Variants in DOCK6 observed in about 807,000 individuals in gnomAD.
The protein encoded by DOCK6 is dedicator of cytokinesis protein 6.
DOCK6 carries 167 observed loss-of-function variants against 230.3 expected under a neutral mutation model. The observed-to-expected ratio is 0.73, with a 90% CI of 0.64 to 0.82. DOCK6 has a LOEUF of 0.82. Ranked by LOEUF, DOCK6 falls within the 40% of genes least tolerant of loss-of-function variation. The pLI is 0.00. For missense variants in DOCK6, 2,598 were observed against 2,825.8 expected (o/e 0.92, Z 1.83); for synonymous variants, 1,148 against 1,185.0 (o/e 0.97, Z 0.64).
chr19:11,237,796 G>A lies in DOCK6; in HGVS notation c.1833-17C>T. On this transcript the variant is annotated splice_polypyrimidine_tract_variant and intron_variant, in intron 16 of 47. Transcript: ENST00000294618. ...TCGGGGGACCTGGCAGAATCGGGCT[G>A]GGGGATCTGCTGGGGGCTGGGGTCC... The A allele has an allele frequency of 6.4e-7, 1 of 1,559,836 alleles. No homozygotes were observed. Among genetic ancestry groups the A allele is most frequent in the Non-Finnish European group, 8.7e-7 (1 of 1,152,140 alleles).
In DOCK6 at chr19:11,222,558, A is replaced by G. The variant is rs530366961; in HGVS notation, c.3240+177T>C. On this transcript the variant is annotated intron_variant, in intron 26 of 47. Transcript: ENST00000294618. The surrounding 1 kb of genome is among the most constrained non-coding windows in gnomAD (Gnocchi z 4.0). ...AATCAGAGGTTAGTCCTTCTGGGAA[A>G]TTGCTGAGAATGGCAAGAGAGGTGA... Among the ~76,000 whole-genome samples, 86 of 152,236 alleles carry G rather than the reference A, an allele frequency of 5.6e-4. No homozygotes were observed. Among genetic ancestry groups the G allele is most frequent in the African/African-American group, 2.1e-3 (86 of 41,562 alleles).
intron 7 of DOCK6, among the ~76,000 whole-genome samples, chr19:11,246,762 G>A (rs2080041186): frequency 6.6e-6 from 1 of 152,096 alleles, no homozygotes; most frequent in African/African-American, 2.4e-5. Context: ...TTGTCACTCT[G>A]CACGGAGTTC....
rs892063546 is a variant in DOCK6, at chr19:11,200,340, G to A, written c.6069C>T (p.Pro2023=). ...ALQPLLTQRL[P]QLMAPTPPGL... is the part of the protein sequence containing the mutation. ...CGGGTGGGGTGGGTGCCATCAGCTG[G>A]GGCAGGCGCTGGGTAAGCAGGGGCT... Residue 2023 remains proline (P), a synonymous_variant, in exon 47 of 48, where the codon CCC becomes CCT. Transcript: ENST00000294618. The surrounding 1 kb of genome is among the most constrained non-coding windows in gnomAD (Gnocchi z 4.3). 1.9e-6 allele frequency: 3 copies of A among 1,576,046 alleles called. No individual in the cohort carries two copies. Among genetic ancestry groups the A allele is most frequent in the African/African-American group, 1.4e-5 (1 of 74,056 alleles).
chr19:11,256,260 A>G (rs981696465), intron 1 of DOCK6, among the ~76,000 whole-genome samples: 2 of 152,162 alleles, frequency 1.3e-5, no homozygotes, highest in African/African-American at 4.8e-5. Flanking sequence ...GGGATAATTT[A>G]CAAAAGATGC....
rs538506091 is a variant in DOCK6, at chr19:11,222,249, C to T, written c.3241-1G>A. 3 of 1,595,548 alleles carry T rather than the reference C, an allele frequency of 1.9e-6. No individual in the cohort carries two copies. Among genetic ancestry groups the T allele is most frequent in the Admixed American group, 1.8e-5 (1 of 56,642 alleles). On this transcript the variant is annotated splice_acceptor_variant, in intron 26 of 47. Transcript: ENST00000294618. LOFTEE classifies it high-confidence loss of function. This position sits in a 1 kb window ranked among gnomAD's most constrained non-coding sequence, Gnocchi z 4.0. ...GGGCTTGGCTGGAGAAGGTGGAGCT[C>T]TGCAGAGTGGGGGAAAAATGGGGGA...
In DOCK6 at chr19:11,252,495, T is replaced by C; in HGVS notation, c.364A>G (p.Ile122Val). The C allele has an allele frequency of 6.2e-7, 1 of 1,613,878 alleles. No homozygotes were observed. The change falls in exon 4 of 48, where the codon ATT becomes GTT. Residue 122 changes from isoleucine (I) to valine (V), a missense_variant. By Grantham distance (29) the Ile-to-Val change is conservative. Coordinates refer to ENST00000294618, the MANE Select transcript of DOCK6 (RefSeq NM_020812.4). The stretch of plus-strand genomic sequence containing the variant: ...AGTCAGACTCACCTTCTGTGGACAA[T>C]GACCCAGTCCTCAATATACATCTCC... ...AVEMYIEDWV[I>V]VHRRYQYLSA... is the part of the protein sequence containing the mutation.
intron 24 of DOCK6, among the ~76,000 whole-genome samples, chr19:11,224,882 G>A (rs2079639741): frequency 6.6e-6 from 1 of 152,036 alleles, no homozygotes; most frequent in African/African-American, 2.4e-5. Context: ...GGCCAATATG[G>A]TGAAACCCCA....
Position 11,243,630 on chromosome 19 carries a change from G to C in DOCK6, c.1185C>G (p.Ala395=). The part of the protein sequence containing the change: ...TRLGRYRMPF[A]WTAVHLANIV... ...TGTTGGCCAAGTGCACGGCCGTCCAGGCGAAGGGCATGCGGTAGCGGCCCA... is the reference window on the plus strand; with the variant it reads ...TGTTGGCCAAGTGCACGGCCGTCCACGCGAAGGGCATGCGGTAGCGGCCCA... The change falls in exon 11 of 48, where the codon GCC becomes GCG. Residue 395 remains alanine (A), a synonymous_variant. Coordinates refer to ENST00000294618, the MANE Select transcript of DOCK6 (RefSeq NM_020812.4). This position sits in a 1 kb window ranked among gnomAD's most constrained non-coding sequence, Gnocchi z 6.3. The C allele has an allele frequency of 6.2e-7, 1 of 1,612,500 alleles. No individual in the cohort carries two copies. The highest frequency in any genetic ancestry group is 8.5e-7 in the Non-Finnish European group (1 of 1,179,676).
At position 11,237,733 on chromosome 19, in the gene DOCK6, C is replaced by G; in HGVS notation, c.1879G>C (p.Val627Leu). 6.3e-7 allele frequency: 1 copy of G among 1,580,698 alleles called. No individual in the cohort carries two copies. Among genetic ancestry groups the G allele is most frequent in the Non-Finnish European group, 8.6e-7 (1 of 1,163,960 alleles). Residue 627 changes from valine (V) to leucine (L), a missense_variant, in exon 17 of 48, where the codon GTG becomes CTG. Physicochemically the swap from Val to Leu is conservative, Grantham distance 32. Transcript: ENST00000294618. ...AACAGCAGGTGATGGTTCTCTGTCA[C>G]GCAGGCTGGAAGATGCAGCTTGAAC... The part of the protein sequence containing the change: ...EEFKLHLPAC[V>L]TENHHLLFTF...
intron 13 of DOCK6, among the ~76,000 whole-genome samples, chr19:11,242,610 T>C (rs1302952255): frequency 6.6e-6 from 1 of 152,002 alleles, no homozygotes; most frequent in Non-Finnish European, 1.5e-5. Flanking sequence ...CAGGCTGGTC[T>C]CAAACTCCTG....
At chr19:11,237,801 A>G in intron 16 of DOCK6, 22 bp from the exon 17 acceptor site, 1 of 1,557,052 alleles carries the variant, frequency 6.4e-7, no homozygotes, top group Non-Finnish European at 8.7e-7. Flanking sequence ...GGGCTGGGGG[A>G]TCTGCTGGGG....
Position 11,238,239 on chromosome 19 carries a change from A to G in DOCK6, c.1709T>C (p.Leu570Pro). The change falls in exon 15 of 48, where the codon CTT becomes CCT. Residue 570 changes from leucine (L) to proline (P), a missense_variant. Coordinates refer to ENST00000294618, the MANE Select transcript of DOCK6 (RefSeq NM_020812.4). Reference protein sequence around the residue: ...FSSRQGSVRNLAVRVQYMTGE... With the variant: ...FSSRQGSVRNPAVRVQYMTGE... ...TGTCATGTACTGCACTCGCACAGCA[A>G]GGTTGCGCACGGAGCCCTGGCGGCT... The G allele has an allele frequency of 6.2e-7, 1 of 1,613,476 alleles. No homozygotes were observed. The highest frequency in any genetic ancestry group is 8.5e-7 in the Non-Finnish European group (1 of 1,179,562).
At chr19:11,210,458 T>C (rs1273042816) in intron 37 of DOCK6, among the ~76,000 whole-genome samples, 1 of 129,586 alleles carries the variant, frequency 7.7e-6, no homozygotes, top group Admixed American at 7.7e-5. Context: ...CCTTGCCTGT[T>C]CACCCCTTCA....
Position 11,202,767 on chromosome 19 carries a change from C to G in DOCK6, c.5236-58G>C. 1.2e-6 allele frequency: 2 copies of G among 1,606,564 alleles called. No individual in the cohort carries two copies. The highest frequency in any genetic ancestry group is 1.7e-6 in the Non-Finnish European group (2 of 1,179,666). ...GAGGCCCCTGCTGGAGGTCTCCCTG[C>G]CCCAGAGATAGGTGTCTCGAATATC... is the stretch of plus-strand genomic sequence containing the variant. On this transcript the variant is annotated intron_variant, in intron 41 of 47. Transcript: ENST00000294618. This position sits in a 1 kb window ranked among gnomAD's most constrained non-coding sequence, Gnocchi z 5.3.
intron 39 of DOCK6, chr19:11,205,794 T>TG (rs1465820573): frequency 1.3e-5 from 2 of 151,262 alleles, no homozygotes; most frequent in African/African-American, 4.8e-5. Flanking sequence ...TTTTGTATTT[T>TG]TTTTTTTTTT....
At chr19:11,257,958 G>A (rs561462149) in intron 1 of DOCK6, among the ~76,000 whole-genome samples, 22 of 151,580 alleles carry the variant, frequency 1.5e-4, no homozygotes, top group Admixed American at 4.0e-4. Context: ...ACACACACAC[G>A]CACACAGAAA....
At chr19:11,204,018 G>A (rs1818816361) in intron 41 of DOCK6, 63 bp downstream of exon 41, 1 of 1,547,204 alleles carries the variant, frequency 6.5e-7, no homozygotes, top group Non-Finnish European at 8.7e-7. Flanking sequence ...GTTCACTGAT[G>A]GCTGCTGGCC....
chr19:11,253,689 C>G lies in DOCK6; in HGVS notation c.82G>C (p.Glu28Gln). ...CTGGAGTGGGGGGAGCCACTGCGTT[C>G]CCGGGACACCTGCTTCCGCACCTCT... ...AAEVRKQVSR[E>Q]RSGSPHSSRR... Residue 28 changes from glutamate (E) to glutamine (Q), a missense_variant, in exon 2 of 48, where the codon GAA becomes CAA. Physicochemically the swap from Glu to Gln is conservative, Grantham distance 29. Coordinates refer to ENST00000294618, the MANE Select transcript of DOCK6 (RefSeq NM_020812.4). 6.8e-7 allele frequency: 1 copy of G among 1,472,102 alleles called. No individual in the cohort carries two copies. Among genetic ancestry groups the G allele is most frequent in the Middle Eastern group, 1.8e-4 (1 of 5,708 alleles). 91.2% of individuals were successfully genotyped at this position (1,472,102 alleles called of 1,614,324 possible). A position where few individuals can be genotyped will look rare whatever the true frequency, so the allele number is the denominator to read the frequency against.
chr19:11,237,457 TC>T lies in DOCK6; in HGVS notation c.2071del (p.Asp691MetfsTer58). The T allele has an allele frequency of 6.2e-7, 1 of 1,613,274 alleles. No homozygotes were observed. Among genetic ancestry groups the T allele is most frequent in the Non-Finnish European group, 8.5e-7 (1 of 1,179,784 alleles). On this transcript the variant is annotated frameshift_variant and splice_region_variant, in exon 18 of 48. Transcript: ENST00000294618. LOFTEE classifies it high-confidence loss of function. Reference sequence around the variant, plus strand: ...AGGCAGGAGCTCCAGGGCACATACATCGGGTGTGAGCACGGAATAGCTGGGC... The same window carrying T: ...AGGCAGGAGCTCCAGGGCACATACATGGGTGTGAGCACGGAATAGCTGGGC... ...PPPSYSVLTP[D>X]VALPGMRWVD...
Sources: allele counts gnomAD v4.1 joint callset (sites outside exome capture counted in the v4.1 genomes callset), GRCh38; gene constraint gnomAD v4.1.1; non-coding constraint Gnocchi (gnomAD v3.1); transcripts MANE v1.5; gene names NCBI Gene and HGNC (gene_info 2026-07-23, HGNC 2026-07-21).